The following UMAD1 variants were observed in gnomAD, a reference collection of about 807,000 sequenced individuals.
UMAD1 encodes UBAP1-MVB12-associated (UMA) domain containing 1, also known as UBAP1-MVB12-associated (UMA)-domain containing protein 1.
A neutral mutation model predicts 6.1 loss-of-function variants in UMAD1; 8 were observed. The ratio of observed to expected loss-of-function variants is 1.30; its 90% confidence interval spans 0.76 to 2.35. UMAD1 has a LOEUF of 2.35. UMAD1 is among the 30% of genes most tolerant of loss of function. UMAD1 has a pLI of 0.00. For missense variants in UMAD1, 130 were observed against 78.4 expected, an observed-to-expected ratio of 1.66 and a Z score of -2.49; for synonymous variants, 56 against 31.4, an observed-to-expected ratio of 1.78 and a Z score of -2.61.
At chr7:7,804,961 A>G (rs1486667340) in intron 3 of UMAD1, among the ~76,000 whole-genome samples, 1 of 150,590 alleles carries the variant, frequency 6.6e-6, no homozygotes, top group Middle Eastern at 3.2e-3. Flanking sequence ...AGCCTGGGCG[A>G]CAGAGCGGAA....
chr7:7,824,522 C>T (rs961069840), intron 3 of UMAD1, among the ~76,000 whole-genome samples: 3 of 152,122 alleles, frequency 2.0e-5, no homozygotes, highest in African/African-American at 7.2e-5. Flanking sequence ...CTGTGTGAGG[C>T]TTTCTCTGAC....
At chr7:7,801,241 A>T (rs1250533441) in intron 2 of UMAD1, among the ~76,000 whole-genome samples, 1 of 152,180 alleles carries the variant, frequency 6.6e-6, no homozygotes, top group Non-Finnish European at 1.5e-5. Flanking sequence ...ATACACATCT[A>T]CTCCAAGGCA....
At chr7:7,760,380 C>T (rs1222094345) in intron 2 of UMAD1, among the ~76,000 whole-genome samples, 2 of 150,062 alleles carry the variant, frequency 1.3e-5, no homozygotes, top group East Asian at 1.9e-4. Flanking sequence ...CACGGTGAAA[C>T]CCTGTCTCTA....
At chr7:7,681,504 C>A (rs1230815758) in intron 2 of UMAD1, among the ~76,000 whole-genome samples, 4 of 151,962 alleles carry the variant, frequency 2.6e-5, no homozygotes, top group Non-Finnish European at 5.9e-5. Flanking sequence ...CTAGTGGTGC[C>A]GAATAAGAAT....
chr7:7,823,853 A>G (rs1365534666), intron 3 of UMAD1, among the ~76,000 whole-genome samples: 2 of 152,084 alleles, frequency 1.3e-5, no homozygotes, highest in Non-Finnish European at 2.9e-5. Flanking sequence ...AGCTAAGAAG[A>G]CACCTACAGC....
chr7:7,819,146 G>A (rs56010135), intron 3 of UMAD1, among the ~76,000 whole-genome samples: 16,449 of 152,076 alleles, frequency 0.11, 1,027 homozygotes, highest in Admixed American at 0.15. Context: ...CACCTTGCCC[G>A]GCCCTCTCCT....
intron 2 of UMAD1, among the ~76,000 whole-genome samples, chr7:7,741,432 G>T (rs1238880400): frequency 6.6e-6 from 1 of 151,768 alleles, no homozygotes; most frequent in Admixed American, 6.6e-5. Flanking sequence ...TTAGCTGGGC[G>T]TGGTGGCGTG....
intron 2 of UMAD1, among the ~76,000 whole-genome samples, chr7:7,770,767 G>C (rs971573094): frequency 6.6e-6 from 1 of 152,122 alleles, no homozygotes; most frequent in African/African-American, 2.4e-5. Flanking sequence ...AAAAAAATGA[G>C]GAGCAGGTTT....
intron 2 of UMAD1, among the ~76,000 whole-genome samples, chr7:7,686,392 C>A (rs1780041990): frequency 6.6e-6 from 1 of 152,034 alleles, no homozygotes; most frequent in Non-Finnish European, 1.5e-5. Flanking sequence ...CATTTTAAAG[C>A]AGTAAAGTTA....
intron 1 of UMAD1, among the ~76,000 whole-genome samples, chr7:7,671,207 G>A (rs971017340): frequency 2.6e-5 from 4 of 152,142 alleles, no homozygotes; most frequent in African/African-American, 9.7e-5. Context: ...AGTCAGCTTC[G>A]TGTGTCAATA....
intron 1 of UMAD1, among the ~76,000 whole-genome samples, chr7:7,652,841 A>G (rs369878812): frequency 6.6e-6 from 1 of 152,230 alleles, no homozygotes; most frequent in African/African-American, 2.4e-5. Context: ...TTGAAAGTCA[A>G]ATAATTTTTA....
At chr7:7,644,445 C>T (rs1785050536) in intron 1 of UMAD1, among the ~76,000 whole-genome samples, 1 of 151,476 alleles carries the variant, frequency 6.6e-6, no homozygotes, top group Non-Finnish European at 1.5e-5. Context: ...ATTAAAATCT[C>T]ATTTATGAAT....
intron 2 of UMAD1, among the ~76,000 whole-genome samples, chr7:7,732,933 C>T (rs1302623198): frequency 6.6e-6 from 1 of 152,176 alleles, no homozygotes; most frequent in Non-Finnish European, 1.5e-5. Context: ...AATAGTACCA[C>T]CTGCTAGTTG....
At chr7:7,849,915 G>A (rs781193300) in intron 3 of UMAD1, among the ~76,000 whole-genome samples, 4 of 152,066 alleles carry the variant, frequency 2.6e-5, no homozygotes, top group Non-Finnish European at 5.9e-5. Context: ...GAAGCAAGGA[G>A]TTTTAGATAG....
chr7:7,652,880 G>A (rs1000234043), intron 1 of UMAD1, among the ~76,000 whole-genome samples: 1 of 152,182 alleles, frequency 6.6e-6, no homozygotes, highest in Non-Finnish European at 1.5e-5. Flanking sequence ...GATTCTTTCT[G>A]GATGTTGAAT....
rs371387531 is a variant in UMAD1, at chr7:7,642,179, G to T, written c.-64+1358G>T. Among the ~76,000 whole-genome samples, 5 of 152,106 alleles carry T rather than the reference G, an allele frequency of 3.3e-5. No individual in the cohort carries two copies. In the South Asian group the frequency reaches 1.0e-3, roughly 32 times the overall value. ...AGGCAAGATCTCTCTCTGTCACCCA[G>T]ACTGGAGTGCAGTAGCATGCACATA... On this transcript the variant is annotated intron_variant, in intron 1 of 3. Transcript: ENST00000682710.
rs183679731 is a variant in UMAD1, at chr7:7,723,085, G to A, written c.82+49632G>A. 3.2e-3 allele frequency among the ~76,000 whole-genome samples: 489 copies of A among 152,254 alleles called. 1 individual carries two copies. The highest frequency in any genetic ancestry group is 0.011 in the African/African-American group (471 of 41,540). On this transcript the variant is annotated intron_variant, in intron 2 of 3. Transcript: ENST00000682710. Reference sequence around the variant, plus strand: ...AAGATAATGTTGATTCTCCTCAGGAGCCACTGCCAACATCCCTGTTTGCTT... The same window carrying A: ...AAGATAATGTTGATTCTCCTCAGGAACCACTGCCAACATCCCTGTTTGCTT...
At chr7:7,667,243 AT>A (rs1373611975) in intron 1 of UMAD1, among the ~76,000 whole-genome samples, 2 of 152,236 alleles carry the variant, frequency 1.3e-5, no homozygotes, top group East Asian at 3.8e-4. Flanking sequence ...TGAGAATAAA[AT>A]TTGGTATGTT....
At chr7:7,834,005 CTTTT>C (rs1408965762) in intron 3 of UMAD1, among the ~76,000 whole-genome samples, 14 of 135,116 alleles carry the variant, frequency 1.0e-4, no homozygotes, top group Non-Finnish European at 1.8e-4. Flanking sequence ...ACATTTCTTT[CTTTT>C]TCTTTTCTTT....
Sources: allele counts gnomAD v4.1 joint callset (sites outside exome capture counted in the v4.1 genomes callset), GRCh38; gene constraint gnomAD v4.1.1; transcripts MANE v1.5; gene names NCBI Gene and HGNC (gene_info 2026-07-23, HGNC 2026-07-21).